Variants in CEP120 observed in about 807,000 individuals in gnomAD.
CEP120 encodes the protein centrosomal protein of 120 kDa.
A neutral mutation model predicts 126.5 loss-of-function variants in CEP120; 113 were observed. The observed-to-expected ratio is 0.89, with a 90% CI of 0.77 to 1.04. The LOEUF (loss-of-function observed/expected upper bound fraction) is 1.04. Among genes scored for constraint, CEP120 ranks in the 50% least tolerant of loss-of-function variants. The pLI is 0.00. For missense variants in CEP120, 1,230 were observed against 1,155.7 expected (o/e 1.06, Z -0.93); for synonymous variants, 400 against 394.3 (o/e 1.01, Z -0.17).
At chr5:123,358,015 TTC>T (rs1292759126) in intron 18 of CEP120, among the ~76,000 whole-genome samples, 2 of 152,110 alleles carry the variant, frequency 1.3e-5, no homozygotes, top group East Asian at 1.9e-4. Context: ...GTACCAGAAA[TTC>T]TCTTTTTAGC....
intron 2 of CEP120, among the ~76,000 whole-genome samples, chr5:123,417,581 C>A (rs1194690328): frequency 6.6e-6 from 1 of 152,030 alleles, no homozygotes; most frequent in Non-Finnish European, 1.5e-5. Flanking sequence ...GGATACCCCT[C>A]TATATATCCT....
At chr5:123,388,914 G>A (rs1427172976) in intron 8 of CEP120, among the ~76,000 whole-genome samples, 1 of 152,152 alleles carries the variant, frequency 6.6e-6, no homozygotes, top group Non-Finnish European at 1.5e-5. Context: ...TTTCCAAGAG[G>A]CACATAACTT....
At chr5:123,395,070 T>C (rs1458036464) in intron 5 of CEP120, among the ~76,000 whole-genome samples, 2 of 152,292 alleles carry the variant, frequency 1.3e-5, no homozygotes, top group East Asian at 1.9e-4. Flanking sequence ...TTAGAGAAGA[T>C]TTTCATTTTC....
chr5:123,346,665 C>T lies in CEP120; in HGVS notation c.2815G>A (p.Glu939Lys). The T allele has an allele frequency of 6.2e-7, 1 of 1,613,978 alleles. No individual in the cohort carries two copies. ...KDGPHGSVLEEGLDDYLTRLI... is the reference protein window; with the variant it reads ...KDGPHGSVLEKGLDDYLTRLI... ...CGAGTCAAATAATCATCCAAACCTTCTTCCAATACACTGCCATGGGGGCCA... is the reference window on the plus strand; with the variant it reads ...CGAGTCAAATAATCATCCAAACCTTTTTCCAATACACTGCCATGGGGGCCA... The change falls in exon 20 of 20, where the codon GAA (glutamate) becomes AAA (lysine). Residue 939 changes from glutamate to lysine, a missense_variant. By Grantham distance (56) the Glu-to-Lys change is moderately conservative (BLOSUM62 1). Transcript: ENST00000306467.
At chr5:123,365,303 G>A (rs2127004158) in intron 17 of CEP120, among the ~76,000 whole-genome samples, 1 of 151,684 alleles carries the variant, frequency 6.6e-6, no homozygotes, top group African/African-American at 2.4e-5. Context: ...TGTTGTACAT[G>A]AACTGAAGCC....
At chr5:123,392,629 C>A (rs934984165) in intron 6 of CEP120, among the ~76,000 whole-genome samples, 3 of 152,096 alleles carry the variant, frequency 2.0e-5, no homozygotes, top group African/African-American at 7.2e-5. Flanking sequence ...TTCCACCTCA[C>A]CCTCCCGAGT....
intron 18 of CEP120, among the ~76,000 whole-genome samples, chr5:123,360,197 T>C (rs1769973559): frequency 6.6e-6 from 1 of 151,966 alleles, no homozygotes; most frequent in Non-Finnish European, 1.5e-5. Context: ...ATAAATGTGT[T>C]TTTAATAAAA....
chr5:123,382,243 A>G, intron 13 of CEP120, 43 bp from the exon 14 acceptor site: 4 of 1,242,338 alleles, frequency 3.2e-6, no homozygotes, highest in Non-Finnish European at 3.5e-6. Flanking sequence ...AACCCCAAAT[A>G]TGTCAAATAA....
At chr5:123,403,714 G>A (rs760178063) in intron 4 of CEP120, 18 of 423,466 alleles carry the variant, frequency 4.3e-5, no homozygotes, top group Non-Finnish European at 7.4e-5. Context: ...GCAATGGGAA[G>A]AACGTGGCAT....
intron 16 of CEP120, among the ~76,000 whole-genome samples, chr5:123,374,393 A>AAGAT (rs548968427): frequency 2.1e-3 from 326 of 152,254 alleles, no homozygotes; most frequent in African/African-American, 7.7e-3. Flanking sequence ...ACAAAATGAC[A>AAGAT]AGATAGCCTT....
intron 9 of CEP120, among the ~76,000 whole-genome samples, chr5:123,387,913 T>A (rs2127063316): frequency 6.6e-6 from 1 of 152,160 alleles, no homozygotes; most frequent in East Asian, 1.9e-4. Context: ...TTACAGCTGA[T>A]TAAGTATGGT....
At chr5:123,364,684 A>T (rs141416038) in intron 17 of CEP120, 90 bp from the exon 18 acceptor site, 1 of 638,236 alleles carries the variant, frequency 1.6e-6, no homozygotes, top group East Asian at 2.9e-5. Flanking sequence ...CTGGCTTAAG[A>T]AAAGAGTTTA....
intron 18 of CEP120, among the ~76,000 whole-genome samples, chr5:123,361,197 T>C (rs752384359): frequency 4.0e-5 from 6 of 151,836 alleles, no homozygotes; most frequent in East Asian, 1.9e-4. Context: ...AGTTAAAAAC[T>C]TGAAATGATT....
chr5:123,382,838 G>C lies in CEP120; in HGVS notation c.1912C>G (p.Pro638Ala). 1 of 1,613,448 alleles carries C rather than the reference G, an allele frequency of 6.2e-7. No individual in the cohort carries two copies. The highest frequency in any genetic ancestry group is 8.5e-7 in the Non-Finnish European group (1 of 1,179,674). ...CGAGGCTCTGTCTGGATCTCTGAAG[G>C]ACAAGGTGCTGGAGGAAGAGAAGAC... Reference protein sequence around the residue: ...KPSSLPPAPCPSEIQTEPRET... With the variant: ...KPSSLPPAPCASEIQTEPRET... Residue 638 changes from proline to alanine, a missense_variant, in exon 13 of 20, where the codon CCT becomes GCT. By Grantham distance (27) the Pro-to-Ala change is conservative. Transcript: ENST00000306467.
At chr5:123,373,777 C>A (rs1771021195) in intron 16 of CEP120, among the ~76,000 whole-genome samples, 1 of 152,034 alleles carries the variant, frequency 6.6e-6, no homozygotes, top group Non-Finnish European at 1.5e-5. Flanking sequence ...AGCCCTGGAA[C>A]TATAAGGCCT....
intron 14 of CEP120, among the ~76,000 whole-genome samples, chr5:123,380,577 G>A (rs545344601): frequency 6.6e-6 from 1 of 152,054 alleles, no homozygotes; most frequent in South Asian, 2.1e-4. Flanking sequence ...AAAATTACTT[G>A]GTGAGTTTTC....
chr5:123,349,334 G>A (rs1047111391), intron 19 of CEP120, among the ~76,000 whole-genome samples: 1 of 151,738 alleles, frequency 6.6e-6, no homozygotes, highest in African/African-American at 2.4e-5. Context: ...TCCTCACAAA[G>A]TAGCTTTGAA....
At chr5:123,395,828 C>A (rs1366087947) in intron 5 of CEP120, among the ~76,000 whole-genome samples, 1 of 151,650 alleles carries the variant, frequency 6.6e-6, no homozygotes, top group Non-Finnish European at 1.5e-5. Flanking sequence ...ACTACAGGCA[C>A]CCGCCACCAC....
chr5:123,367,040 G>A (rs188052601), intron 17 of CEP120, among the ~76,000 whole-genome samples: 113 of 151,772 alleles, frequency 7.4e-4, no homozygotes, highest in African/African-American at 2.5e-3. Flanking sequence ...ACTAGATTCC[G>A]AACGCCAAAT....
Sources: allele counts gnomAD v4.1 joint callset (sites outside exome capture counted in the v4.1 genomes callset), GRCh38; gene constraint gnomAD v4.1.1; transcripts MANE v1.5; gene names NCBI Gene and HGNC (gene_info 2026-07-23, HGNC 2026-07-21).